PCMTD1: variants seen among roughly 807,000 people sequenced by gnomAD.
The protein encoded by PCMTD1 is protein-L-isoaspartate (D-aspartate) O-methyltransferase domain containing 1.
A neutral mutation model predicts 37.6 loss-of-function variants in PCMTD1; 12 were observed. The observed-to-expected ratio is 0.32, with a 90% CI of 0.20 to 0.52. The LOEUF is 0.52. Among genes scored for constraint, PCMTD1 ranks in the 20% least tolerant of loss-of-function variants. The pLI is 0.97. For synonymous variants in PCMTD1, 117 were observed against 135.8 expected, an observed-to-expected ratio of 0.86 and a Z score of 0.96; for missense variants, 235 against 421.3, an observed-to-expected ratio of 0.56 and a Z score of 3.87.
chr8:51,837,626 CAT>C (rs1474800566), intron 3 of PCMTD1, among the ~76,000 whole-genome samples: 6 of 152,170 alleles, frequency 3.9e-5, no homozygotes, highest in African/African-American at 1.4e-4. Flanking sequence ...TCTCAAACTG[CAT>C]ATTCTCACTT....
rs2037837940 is a variant in PCMTD1 at position 51,820,861 on chromosome 8, A to T, written c.707-143T>A. 4.8e-6 allele frequency: 5 copies of T among 1,035,970 alleles called. No homozygotes were observed. The African/African-American group carries it at 4.9e-5, about 10-fold the overall frequency. The allele number at this position is 1,035,970 out of a possible 1,614,324, so 64.2% of individuals were successfully genotyped here. ...ATGAAAACTCTACCTTTCATCTAAC[A>T]AAGGTTTTGGAGTAGTCATTATATG... is the stretch of plus-strand genomic sequence containing the variant. On this transcript the variant is annotated intron_variant, in intron 5 of 5. Transcript: ENST00000522514.
chr8:51,830,925 C>A (rs1563337035), intron 5 of PCMTD1, among the ~76,000 whole-genome samples: 1 of 152,070 alleles, frequency 6.6e-6, no homozygotes, highest in Admixed American at 6.6e-5. Flanking sequence ...TTTGGTTTGA[C>A]CTGCCCCTTC....
chr8:51,894,621 G>A (rs1010223775), intron 1 of PCMTD1, among the ~76,000 whole-genome samples: 14 of 152,172 alleles, frequency 9.2e-5, no homozygotes, highest in Admixed American at 4.6e-4. Context: ...TGTTTTGTTT[G>A]CTTGTCATCA....
intron 2 of PCMTD1, among the ~76,000 whole-genome samples, chr8:51,857,498 T>C (rs2038408971): frequency 1.3e-5 from 2 of 152,202 alleles, no homozygotes; most frequent in South Asian, 4.1e-4. Flanking sequence ...CTTGCCTTCG[T>C]GGTTCTGATA....
At position 51,845,686 on chromosome 8, in the gene PCMTD1, TGAA is replaced by T; in HGVS notation, c.382_384del (p.Phe128del). 6.2e-7 allele frequency: 1 copy of T among 1,612,790 alleles called. No homozygotes were observed. Among genetic ancestry groups the T allele is most frequent in the Non-Finnish European group, 8.5e-7 (1 of 1,179,346 alleles). ...TTATCAAAGCTATCACTATTTTTGA[TGAA>T]GCTCTCCAGTTTTTCCTTGGCATAT... On this transcript the variant is annotated inframe_deletion, in exon 3 of 6. Transcript: ENST00000522514.
chr8:51,827,038 T>C, intron 5 of PCMTD1: 1 of 971,798 alleles, frequency 1.0e-6, no homozygotes, highest in Non-Finnish European at 1.2e-6. Context: ...CGTTCTTTCA[T>C]ATTTTAATTT....
intron 1 of PCMTD1, among the ~76,000 whole-genome samples, chr8:51,875,679 T>C (rs1397122488): frequency 2.0e-5 from 3 of 152,186 alleles, no homozygotes; most frequent in Non-Finnish European, 2.9e-5. Context: ...GGCTCATGCC[T>C]ATAATCTCAG....
chr8:51,859,622 TA>T (rs1042202368), intron 2 of PCMTD1, among the ~76,000 whole-genome samples: 10 of 152,152 alleles, frequency 6.6e-5, no homozygotes, highest in African/African-American at 2.4e-4. Flanking sequence ...GACTATACCT[TA>T]AAAGTCATAA....
intron 1 of PCMTD1, among the ~76,000 whole-genome samples, chr8:51,895,415 C>A (rs575509488): frequency 6.6e-6 from 1 of 152,248 alleles, no homozygotes; most frequent in African/African-American, 2.4e-5. Flanking sequence ...GTAGAAAACA[C>A]AGAAGAGTGT....
intron 3 of PCMTD1, among the ~76,000 whole-genome samples, chr8:51,841,784 A>G (rs1362948357): frequency 6.6e-6 from 1 of 152,194 alleles, no homozygotes; most frequent in Non-Finnish European, 1.5e-5. Flanking sequence ...TTGTCTAGCT[A>G]AAAACAGGAT....
chr8:51,888,326 C>A (rs1301997634), intron 1 of PCMTD1, among the ~76,000 whole-genome samples: 1 of 152,066 alleles, frequency 6.6e-6, no homozygotes, highest in Non-Finnish European at 1.5e-5. Context: ...CCAGGTTGGC[C>A]TCAAGAGGGA....
At chr8:51,860,091 T>C (rs894670232) in intron 2 of PCMTD1, among the ~76,000 whole-genome samples, 5 of 152,244 alleles carry the variant, frequency 3.3e-5, no homozygotes, top group African/African-American at 9.6e-5. Flanking sequence ...CTATATTCCA[T>C]GTTATCCAGT....
chr8:51,879,826 G>C (rs1005716787), intron 1 of PCMTD1, among the ~76,000 whole-genome samples: 1 of 152,050 alleles, frequency 6.6e-6, no homozygotes, highest in Non-Finnish European at 1.5e-5. Context: ...GCAACATGTG[G>C]CAAAGGGTTG....
intron 3 of PCMTD1, 94 bp from the exon 4 acceptor site, chr8:51,833,783 C>T (rs2038029903): frequency 1.2e-6 from 1 of 834,286 alleles, no homozygotes; most frequent in Non-Finnish European, 1.8e-6. Context: ...ATGACGTTAC[C>T]CAAATTAATT....
intron 3 of PCMTD1, among the ~76,000 whole-genome samples, chr8:51,838,293 T>G (rs1178895026): frequency 6.6e-6 from 1 of 151,982 alleles, no homozygotes; most frequent in Non-Finnish European, 1.5e-5. Flanking sequence ...TCTAGACCAG[T>G]CTGGGTAATG....
chr8:51,868,005 T>C (rs934733483), intron 1 of PCMTD1, among the ~76,000 whole-genome samples: 1 of 152,170 alleles, frequency 6.6e-6, no homozygotes, highest in African/African-American at 2.4e-5. Context: ...TACAAAATGA[T>C]AGCTTTGAGA....
chr8:51,842,622 C>G (rs550744440), intron 3 of PCMTD1, among the ~76,000 whole-genome samples: 1 of 152,024 alleles, frequency 6.6e-6, no homozygotes, highest in South Asian at 2.1e-4. Context: ...CCACACCCAG[C>G]CTATATTTGT....
In PCMTD1 at chr8:51,861,194, A is replaced by T. The variant is rs1413523095; in HGVS notation, c.-43T>A. The T allele has an allele frequency of 2.0e-6, 3 of 1,530,650 alleles. No homozygotes were observed. Among genetic ancestry groups the T allele is most frequent in the Admixed American group, 2.0e-5 (1 of 49,172 alleles). 94.8% of individuals were successfully genotyped at this position (1,530,650 alleles called of 1,614,324 possible). ...ATCATAAATTTAAAAGTGAAATAAA[A>T]TTAGTAGAAATGGCTTCCAATATTG... On this transcript the variant is annotated 5_prime_UTR_variant, in exon 2 of 6. Transcript: ENST00000522514.
At chr8:51,873,784 T>TG (rs1429123696) in intron 1 of PCMTD1, among the ~76,000 whole-genome samples, 1 of 152,190 alleles carries the variant, frequency 6.6e-6, no homozygotes, top group Non-Finnish European at 1.5e-5. Context: ...AAAAGCTTCT[T>TG]GGGGCCTCGC....
Sources: gnomAD v4.1 joint callset for allele counts (sites outside exome capture counted in the v4.1 genomes callset) on GRCh38, gnomAD v4.1.1 for gene constraint, MANE v1.5 for transcripts, NCBI Gene and HGNC (gene_info 2026-07-23, HGNC 2026-07-21) for gene names.